Variants in SUCO observed in about 807,000 individuals in gnomAD.
The protein encoded by SUCO is SUN domain-containing ossification factor.
In SUCO, 57 loss-of-function variants were observed where a neutral mutation model predicts 148.1. The ratio of observed to expected loss-of-function variants is 0.38; its 90% CI spans 0.31 to 0.48. The LOEUF is 0.48. Among genes scored for constraint, SUCO ranks in the 20% least tolerant of loss-of-function variants. The probability of loss-of-function intolerance (pLI) is 0.96; values close to 1 mark genes in which losing one functional copy is unlikely to be tolerated. For missense variants in SUCO, 1,331 were observed against 1,468.2 expected (o/e 0.91, Z 1.53); for synonymous variants, 470 against 502.7 (o/e 0.93, Z 0.87).
chr1:172,540,282 CT>C (rs1170622645), intron 1 of SUCO, among the ~76,000 whole-genome samples: 1 of 152,154 alleles, frequency 6.6e-6, no homozygotes, highest in Non-Finnish European at 1.5e-5. Context: ...AGTTTCTTCA[CT>C]TTTTCTAGTT....
At chr1:172,605,680 A>G (rs1366381477) in intron 22 of SUCO, among the ~76,000 whole-genome samples, 1 of 151,864 alleles carries the variant, frequency 6.6e-6, no homozygotes, top group African/African-American at 2.4e-5. Flanking sequence ...TGAACTTTCT[A>G]TATAAGCAGT....
chr1:172,600,696 ATG>A (rs61681764), intron 20 of SUCO, among the ~76,000 whole-genome samples: 16,789 of 148,844 alleles, frequency 0.11, 1,040 homozygotes, highest in Middle Eastern at 0.22. Flanking sequence ...AGAAAATTAA[ATG>A]TGTGTGTGTG....
chr1:172,563,634 C>T (rs1450759064), intron 6 of SUCO, among the ~76,000 whole-genome samples: 1 of 152,176 alleles, frequency 6.6e-6, no homozygotes. Flanking sequence ...AAAACTGGAA[C>T]TTATATTTAA....
At chr1:172,565,695 C>G (rs939243529) in intron 6 of SUCO, among the ~76,000 whole-genome samples, 6 of 152,148 alleles carry the variant, frequency 3.9e-5, no homozygotes, top group African/African-American at 1.4e-4. Flanking sequence ...AAGTGTCCCA[C>G]CTTAAATAAT....
At chr1:172,569,964 T>G in intron 7 of SUCO, 83 bp from the exon 8 acceptor site, 1 of 1,198,328 alleles carries the variant, frequency 8.3e-7, no homozygotes, top group Non-Finnish European at 1.1e-6. Flanking sequence ...CTTATTGCTT[T>G]GGAGATCAGT....
At chr1:172,569,695 TA>T (rs542763752) in intron 7 of SUCO, among the ~76,000 whole-genome samples, 18 of 148,514 alleles carry the variant, frequency 1.2e-4, no homozygotes, top group East Asian at 3.9e-4. Context: ...CCCCAGAGCT[TA>T]AAAAAAAAAC....
At chr1:172,582,223 C>T (rs1655926767) in intron 15 of SUCO, among the ~76,000 whole-genome samples, 1 of 152,038 alleles carries the variant, frequency 6.6e-6, no homozygotes, top group Non-Finnish European at 1.5e-5. Flanking sequence ...GTTTTTACTT[C>T]TCAAGTATTT....
chr1:172,590,415 T>C, intron 18 of SUCO: 1 of 960,476 alleles, frequency 1.0e-6, no homozygotes, highest in Non-Finnish European at 1.2e-6. Context: ...CTAGTTCTAG[T>C]TGTAATAATT....
chr1:172,563,661 A>G (rs1179710509), intron 6 of SUCO, among the ~76,000 whole-genome samples: 1 of 152,250 alleles, frequency 6.6e-6, no homozygotes, highest in Non-Finnish European at 1.5e-5. Context: ...AGCAGAGTAT[A>G]AAAGTTTGGA....
At chr1:172,561,393 T>G (rs1487340879) in intron 6 of SUCO, among the ~76,000 whole-genome samples, 1 of 152,180 alleles carries the variant, frequency 6.6e-6, no homozygotes, top group African/African-American at 2.4e-5. Context: ...ATTTTTTGGA[T>G]AAGTCAGAAG....
intron 2 of SUCO, chr1:172,551,872 G>A (rs1287417009): frequency 3.5e-6 from 1 of 285,170 alleles, no homozygotes; most frequent in East Asian, 6.8e-5. Flanking sequence ...GGTAGTGCAT[G>A]TTCAGAGAGC....
rs1030241575 is a variant in SUCO, at chr1:172,611,269, A to G, written c.*1010A>G. On this transcript the variant is annotated 3_prime_UTR_variant, in exon 24 of 24. Transcript: ENST00000263688. Reference sequence around the variant, plus strand: ...TATTATTCCTTGATGTTTGCTTTGTATTGGCTACAAATGTGCAGAGGTAAT... The same window carrying G: ...TATTATTCCTTGATGTTTGCTTTGTGTTGGCTACAAATGTGCAGAGGTAAT... 2.6e-5 allele frequency: 4 copies of G among 152,594 alleles called. No homozygotes were observed. Among genetic ancestry groups the G allele is most frequent in the African/African-American group, 9.6e-5 (4 of 41,456 alleles). 9.5% of individuals were successfully genotyped at this position (152,594 alleles called of 1,614,324 possible). A position where few individuals can be genotyped will look rare whatever the true frequency, so the allele number is the denominator to read the frequency against.
rs970394686 is a variant in SUCO at position 172,599,920 on chromosome 1, CAA to C, written c.2914-142_2914-141del. 117 of 585,350 alleles carry C rather than the reference CAA, an allele frequency of 2.0e-4. No homozygotes were observed. In the African/African-American group the frequency reaches 2.1e-3, roughly 11 times the overall value. 36.3% of individuals were successfully genotyped at this position (585,350 alleles called of 1,614,324 possible). On this transcript the variant is annotated intron_variant, in intron 19 of 23. Transcript: ENST00000263688. ...TTTGTTTATTTCTAAAATTTCTGTT[CAA>C]AGTTTACTTACTCATTGAGATTCCT...
chr1:172,586,314 G>A (rs375730166), intron 17 of SUCO, among the ~76,000 whole-genome samples: 1 of 151,924 alleles, frequency 6.6e-6, no homozygotes, highest in Non-Finnish European at 1.5e-5. Context: ...TAAAAGCATT[G>A]ATCTGTGGTA....
At chr1:172,597,345 C>T (rs1378852397) in intron 19 of SUCO, among the ~76,000 whole-genome samples, 1 of 152,230 alleles carries the variant, frequency 6.6e-6, no homozygotes, top group Non-Finnish European at 1.5e-5. Flanking sequence ...ATGCAGAAAT[C>T]ACCCGTCTTC....
intron 11 of SUCO, 25 bp downstream of exon 11, chr1:172,575,648 T>C (rs1393548522): frequency 2.7e-6 from 4 of 1,459,204 alleles, no homozygotes; most frequent in Non-Finnish European, 2.9e-6. Context: ...TACAGGACTA[T>C]GTTCTATAAT....
chr1:172,609,672 C>T, intron 23 of SUCO, 144 bp from the exon 24 acceptor site: 1 of 1,444,928 alleles, frequency 6.9e-7, no homozygotes, highest in Non-Finnish European at 9.1e-7. Context: ...TAGAACATAA[C>T]AATGTATGTG....
intron 11 of SUCO, among the ~76,000 whole-genome samples, 175 bp downstream of exon 11, chr1:172,575,798 C>G (rs1458907678): frequency 2.0e-5 from 3 of 149,232 alleles, no homozygotes; most frequent in African/African-American, 7.5e-5. Context: ...TTGCTACATT[C>G]CCTTTTGCAT....
intron 23 of SUCO, chr1:172,609,354 TG>T: frequency 1.0e-6 from 1 of 984,428 alleles, no homozygotes; most frequent in Non-Finnish European, 1.2e-6. Context: ...TGAAAGAACT[TG>T]GGCTTTGTAG....
Sources: gnomAD v4.1 joint callset for allele counts (sites outside exome capture counted in the v4.1 genomes callset) on GRCh38, gnomAD v4.1.1 for gene constraint, MANE v1.5 for transcripts, NCBI Gene and HGNC (gene_info 2026-07-23, HGNC 2026-07-21) for gene names.